The following FAM3C variants were observed in gnomAD, a reference collection of about 807,000 sequenced individuals.
FAM3C encodes protein FAM3C.
FAM3C carries 15 observed loss-of-function variants against 32.5 expected under a neutral mutation model. That is an observed-to-expected ratio of 0.46 (90% CI 0.31 to 0.71). The LOEUF is 0.71. FAM3C is among the 30% of genes least tolerant of loss of function. The probability of loss-of-function intolerance (pLI) is 0.05; values close to 1 mark genes in which losing one functional copy is unlikely to be tolerated. For synonymous variants in FAM3C, 75 were observed against 86.1 expected (o/e 0.87, Z 0.72); for missense variants, 175 against 274.4 (o/e 0.64, Z 2.56).
chr7:121,386,597 A>G (rs1329553442), intron 1 of FAM3C, among the ~76,000 whole-genome samples: 2 of 151,514 alleles, frequency 1.3e-5, no homozygotes, highest in Non-Finnish European at 2.9e-5. Context: ...CAAATCATAT[A>G]CCTGTATATA....
At chr7:121,382,603 G>A (rs1431210130) in intron 2 of FAM3C, among the ~76,000 whole-genome samples, 1 of 133,942 alleles carries the variant, frequency 7.5e-6, no homozygotes. Flanking sequence ...CTTACCAGCT[G>A]AACTTCCCAA....
At chr7:121,374,788 A>C (rs1242312908) in intron 3 of FAM3C, among the ~76,000 whole-genome samples, 1 of 152,246 alleles carries the variant, frequency 6.6e-6, no homozygotes, top group East Asian at 1.9e-4. Flanking sequence ...AATGCACACA[A>C]AAACACTTTG....
chr7:121,393,727 GA>G (rs1165537919), intron 1 of FAM3C, among the ~76,000 whole-genome samples: 1 of 152,144 alleles, frequency 6.6e-6, no homozygotes, highest in Non-Finnish European at 1.5e-5. Context: ...TGCATTAAAA[GA>G]AAGTACAAAA....
intron 5 of FAM3C, among the ~76,000 whole-genome samples, chr7:121,371,003 C>G (rs1399513807): frequency 1.3e-5 from 2 of 152,074 alleles, no homozygotes; most frequent in Non-Finnish European, 2.9e-5. Context: ...AATTAAATAG[C>G]CACATGTGTT....
intron 8 of FAM3C, among the ~76,000 whole-genome samples, chr7:121,358,614 A>G (rs1175839089): frequency 6.6e-6 from 1 of 152,054 alleles, no homozygotes; most frequent in African/African-American, 2.4e-5. Context: ...CCAGAGATAA[A>G]GCCAAATCTA....
At chr7:121,361,685 T>A (rs1793926918) in intron 7 of FAM3C, among the ~76,000 whole-genome samples, 1 of 152,234 alleles carries the variant, frequency 6.6e-6, no homozygotes, top group Non-Finnish European at 1.5e-5. Context: ...CGGCATCTTT[T>A]GTTTTTTTGA....
At chr7:121,372,775 C>T (rs1489705866) in intron 3 of FAM3C, among the ~76,000 whole-genome samples, 2 of 152,154 alleles carry the variant, frequency 1.3e-5, no homozygotes, top group Non-Finnish European at 2.9e-5. Context: ...TAACTCAGAT[C>T]ATCAGAGTAT....
rs577635428 is a variant in FAM3C at position 121,365,116 on chromosome 7, A to C, written c.273-928T>G. Among the ~76,000 whole-genome samples the C allele has an allele frequency of 2.3e-4, 35 of 152,248 alleles. No individual in the cohort carries two copies. In the South Asian group the frequency reaches 7.0e-3, roughly 31 times the overall value. ...AACTACTAAAAGATGTATAGCACAC[A>C]ATTTCATAAATAAAATCTACGATGT... On this transcript the variant is annotated intron_variant, in intron 5 of 9. Coordinates refer to ENST00000359943, the MANE Select transcript of FAM3C (RefSeq NM_014888.3).
chr7:121,359,046 A>C (rs558727251), intron 8 of FAM3C, among the ~76,000 whole-genome samples: 4 of 152,110 alleles, frequency 2.6e-5, no homozygotes, highest in Admixed American at 2.6e-4. Flanking sequence ...AAAATAAGAT[A>C]CCTTTTCAAA....
intron 8 of FAM3C, among the ~76,000 whole-genome samples, chr7:121,353,310 A>G (rs147181042): frequency 2.0e-4 from 31 of 152,358 alleles, no homozygotes; most frequent in Admixed American, 6.5e-4. Context: ...AGAAGTGACC[A>G]TTATGATCTG....
At chr7:121,359,752 C>T (rs1389516841) in intron 8 of FAM3C, among the ~76,000 whole-genome samples, 1 of 151,822 alleles carries the variant, frequency 6.6e-6, no homozygotes, top group East Asian at 1.9e-4. Context: ...CATAAAAATG[C>T]TATTGAAGAA....
intron 4 of FAM3C, 38 bp from the exon 5 acceptor site, chr7:121,371,461 C>G: frequency 6.2e-7 from 1 of 1,606,978 alleles, no homozygotes. Flanking sequence ...TTTTAGAAAA[C>G]AAGTTAACAG....
At chr7:121,385,830 T>G (rs760943819) in intron 1 of FAM3C, among the ~76,000 whole-genome samples, 32 of 152,164 alleles carry the variant, frequency 2.1e-4, no homozygotes, top group Non-Finnish European at 4.3e-4. Flanking sequence ...CTTATGTCAG[T>G]GCAATTCACA....
intron 5 of FAM3C, among the ~76,000 whole-genome samples, chr7:121,367,500 C>A (rs571518733): frequency 1.3e-5 from 2 of 152,012 alleles, no homozygotes; most frequent in South Asian, 4.1e-4. Flanking sequence ...GCCCTCATAG[C>A]CAAAAACATT....
Position 121,360,135 on chromosome 7 carries a change from AAAAG to A in FAM3C, c.383-12_383-9del. The A allele has an allele frequency of 2.0e-6, 3 of 1,525,418 alleles. No individual in the cohort carries two copies. Among genetic ancestry groups the A allele is most frequent in the Non-Finnish European group, 2.7e-6 (3 of 1,099,914 alleles). 94.5% of individuals were successfully genotyped at this position (1,525,418 alleles called of 1,614,324 possible). On this transcript the variant is annotated splice_polypyrimidine_tract_variant and intron_variant, in intron 7 of 9. Transcript: ENST00000359943. ...CAATAAATGGTGCCACATCTGAAGA[AAAAG>A]AAAGGGTTTAGGGTTTTAAAAAATG...
At chr7:121,368,664 A>T (rs1794072740) in intron 5 of FAM3C, among the ~76,000 whole-genome samples, 1 of 152,140 alleles carries the variant, frequency 6.6e-6, no homozygotes, top group African/African-American at 2.4e-5. Context: ...CTCAGAAAAA[A>T]GTCTCAACCC....
intron 5 of FAM3C, among the ~76,000 whole-genome samples, chr7:121,364,724 A>G (rs1215114568): frequency 6.6e-6 from 1 of 152,138 alleles, no homozygotes; most frequent in Non-Finnish European, 1.5e-5. Flanking sequence ...CACTCATGAA[A>G]TCACTGCATT....
At chr7:121,384,370 G>A (rs1007186382) in intron 1 of FAM3C, among the ~76,000 whole-genome samples, 1 of 152,076 alleles carries the variant, frequency 6.6e-6, no homozygotes, top group African/African-American at 2.4e-5. Flanking sequence ...AAAAACCTCC[G>A]CTTTTTAAAT....
At chr7:121,368,944 T>C (rs1347629675) in intron 5 of FAM3C, among the ~76,000 whole-genome samples, 1 of 150,880 alleles carries the variant, frequency 6.6e-6, no homozygotes, top group Non-Finnish European at 1.5e-5. Context: ...TATCACAATT[T>C]GTTTGTTCAT....
Sources: gnomAD v4.1 joint callset for allele counts (sites outside exome capture counted in the v4.1 genomes callset) on GRCh38, gnomAD v4.1.1 for gene constraint, MANE v1.5 for transcripts, NCBI Gene and HGNC (gene_info 2026-07-23, HGNC 2026-07-21) for gene names.